The following EXOC4 variants were observed in gnomAD, a reference collection of about 807,000 sequenced individuals.
EXOC4 encodes exocyst complex component 4.
Under a neutral mutation model 107.2 loss-of-function variants are expected in EXOC4, and 71 were observed. The ratio of observed to expected loss-of-function variants is 0.66; its 90% confidence interval spans 0.55 to 0.81. EXOC4 has a LOEUF of 0.81. Among genes scored for constraint, EXOC4 ranks in the 30% least tolerant of loss-of-function variants. The probability of loss-of-function intolerance (pLI) is 0.00; values close to 1 mark genes in which losing one functional copy is unlikely to be tolerated. For missense variants in EXOC4, 1,108 were observed against 1,189.6 expected (o/e 0.93, Z 1.01); for synonymous variants, 456 against 441.2 (o/e 1.03, Z -0.42).
chr7:133,457,660 A>G (rs774930073), intron 7 of EXOC4, among the ~76,000 whole-genome samples: 2 of 152,220 alleles, frequency 1.3e-5, no homozygotes, highest in Non-Finnish European at 2.9e-5. Flanking sequence ...TTGAGAGGCA[A>G]CCAGGGACTC....
At chr7:133,929,895 C>T (rs1205973576) in intron 13 of EXOC4, among the ~76,000 whole-genome samples, 1 of 152,100 alleles carries the variant, frequency 6.6e-6, no homozygotes, top group Non-Finnish European at 1.5e-5. Flanking sequence ...GAAACCTTAC[C>T]TGACACCTCC....
chr7:133,567,851 G>A (rs2150956339), intron 9 of EXOC4, among the ~76,000 whole-genome samples: 2 of 152,224 alleles, frequency 1.3e-5, no homozygotes, highest in South Asian at 4.1e-4. Flanking sequence ...CCCGTGATAG[G>A]AATACTAGTT....
At chr7:134,067,971 G>C (rs1309807339), downstream of EXOC4, among the ~76,000 whole-genome samples, 1 of 152,076 alleles carries the variant, frequency 6.6e-6, no homozygotes, top group African/African-American at 2.4e-5. Context: ...CCAATAATTA[G>C]ACAAGGATTG....
At chr7:133,688,727 G>A (rs1562908644) in intron 10 of EXOC4, among the ~76,000 whole-genome samples, 1 of 152,046 alleles carries the variant, frequency 6.6e-6, no homozygotes, top group Non-Finnish European at 1.5e-5. Context: ...CTGTCGTCTA[G>A]GCCTATTTTT....
At chr7:133,805,343 A>G (rs908758033) in intron 10 of EXOC4, among the ~76,000 whole-genome samples, 2 of 152,226 alleles carry the variant, frequency 1.3e-5, no homozygotes, top group South Asian at 2.1e-4. Context: ...CATGATCATT[A>G]TAAGAAAAGG....
intron 6 of EXOC4, among the ~76,000 whole-genome samples, chr7:133,371,293 A>G (rs571156503): frequency 6.6e-6 from 1 of 152,308 alleles, no homozygotes; most frequent in East Asian, 1.9e-4. Flanking sequence ...TATACAATTC[A>G]TTGGTTTTTA....
At chr7:133,611,977 G>T (rs1232737393) in intron 9 of EXOC4, among the ~76,000 whole-genome samples, 1 of 152,160 alleles carries the variant, frequency 6.6e-6, no homozygotes. Flanking sequence ...CAGGGACCAT[G>T]TCACACCTAC....
intron 17 of EXOC4, among the ~76,000 whole-genome samples, chr7:134,026,965 A>G (rs1382080215): frequency 6.6e-6 from 1 of 152,184 alleles, no homozygotes; most frequent in Non-Finnish European, 1.5e-5. Context: ...ATGTTGAACT[A>G]TATAGTTACA....
chr7:133,460,344 GC>G (rs1053239583), intron 7 of EXOC4, among the ~76,000 whole-genome samples: 18 of 152,104 alleles, frequency 1.2e-4, no homozygotes, highest in Non-Finnish European at 2.4e-4. Context: ...ATGGGCTGGT[GC>G]TGGTAACAGG....
At chr7:133,286,685 G>A (rs1223012683) in intron 2 of EXOC4, among the ~76,000 whole-genome samples, 3 of 152,200 alleles carry the variant, frequency 2.0e-5, no homozygotes, top group African/African-American at 7.2e-5. Flanking sequence ...CAAGGGAGAA[G>A]CCATATGTCT....
chr7:133,412,250 T>C (rs919309414), intron 7 of EXOC4, among the ~76,000 whole-genome samples: 26 of 150,358 alleles, frequency 1.7e-4, no homozygotes, highest in African/African-American at 5.9e-4. Context: ...ATTTCTGATT[T>C]GTATCTGGTC....
At chr7:133,459,579 A>G (rs1798541096) in intron 7 of EXOC4, among the ~76,000 whole-genome samples, 1 of 152,228 alleles carries the variant, frequency 6.6e-6, no homozygotes, top group Non-Finnish European at 1.5e-5. Flanking sequence ...AGACATGCGT[A>G]GTATAATTTA....
intron 9 of EXOC4, among the ~76,000 whole-genome samples, chr7:133,603,850 T>C (rs968954801): frequency 2.0e-5 from 3 of 152,210 alleles, no homozygotes; most frequent in African/African-American, 7.2e-5. Flanking sequence ...AATTTATTAA[T>C]AAACAGCTTA....
chr7:133,967,212 C>T (rs1048355812), intron 14 of EXOC4, among the ~76,000 whole-genome samples: 2 of 151,936 alleles, frequency 1.3e-5, no homozygotes, highest in Admixed American at 6.6e-5. Context: ...TGATTCTTCT[C>T]TTCTTCATTA....
chr7:133,488,565 G>A (rs1307621927), intron 9 of EXOC4, among the ~76,000 whole-genome samples: 1 of 152,094 alleles, frequency 6.6e-6, no homozygotes, highest in Non-Finnish European at 1.5e-5. Context: ...ATAAAGAATG[G>A]TGAGACAATT....
intron 17 of EXOC4, among the ~76,000 whole-genome samples, chr7:134,029,135 A>G (rs1205343531): frequency 6.6e-6 from 1 of 152,198 alleles, no homozygotes; most frequent in Non-Finnish European, 1.5e-5. Context: ...GGGATGACGT[A>G]CCCTCAGTAT....
chr7:133,274,901 C>A, intron 1 of EXOC4, 81 bp from the exon 2 acceptor site: 2 of 1,147,140 alleles, frequency 1.7e-6, no homozygotes, highest in Non-Finnish European at 2.4e-6. Context: ...CTTCCTTTTG[C>A]ATTTTACTTT....
intron 9 of EXOC4, among the ~76,000 whole-genome samples, chr7:133,573,289 G>A (rs1020061521): frequency 6.6e-6 from 1 of 152,200 alleles, no homozygotes; most frequent in African/African-American, 2.4e-5. Flanking sequence ...TTCTGGAGAG[G>A]TGAATTGACT....
chr7:134,008,428 G>T (rs781534650), intron 17 of EXOC4, among the ~76,000 whole-genome samples: 1 of 152,014 alleles, frequency 6.6e-6, no homozygotes, highest in Non-Finnish European at 1.5e-5. Context: ...TGGTATAAAT[G>T]AGCCATATTT....
Sources: gnomAD v4.1 joint callset for allele counts (sites outside exome capture counted in the v4.1 genomes callset) on GRCh38, gnomAD v4.1.1 for gene constraint, MANE v1.5 for transcripts, NCBI Gene and HGNC (gene_info 2026-07-23, HGNC 2026-07-21) for gene names.